The following FAM118A variants were observed in gnomAD, a reference collection of about 807,000 sequenced individuals.
The protein encoded by FAM118A is protein FAM118A.
A neutral mutation model predicts 38.2 loss-of-function variants in FAM118A; 25 were observed. The observed-to-expected ratio is 0.65, with a 90% CI of 0.48 to 0.91. The LOEUF is 0.91. FAM118A is among the 40% of genes least tolerant of loss of function. The probability of loss-of-function intolerance (pLI) is 0.00; values close to 1 mark genes in which losing one functional copy is unlikely to be tolerated. For synonymous variants in FAM118A, 178 were observed against 184.1 expected (o/e 0.97, Z 0.27); for missense variants, 425 against 463.3 (o/e 0.92, Z 0.76).
intron 8 of FAM118A, among the ~76,000 whole-genome samples, chr22:45,337,306 C>T (rs534059552): frequency 8.5e-5 from 13 of 152,324 alleles, no homozygotes; most frequent in East Asian, 7.7e-4. Context: ...ATGAAAACAG[C>T]GTCAGTGTTC....
intron 4 of FAM118A, chr22:45,329,458 T>A (rs1383697074): frequency 6.6e-6 from 1 of 152,256 alleles, no homozygotes; most frequent in Non-Finnish European, 1.5e-5. Flanking sequence ...ATTTCTTGTG[T>A]TACTAAAGGT....
At chr22:45,324,370 T>A (rs184117961) in intron 3 of FAM118A, among the ~76,000 whole-genome samples, 43 of 152,158 alleles carry the variant, frequency 2.8e-4, no homozygotes, top group Admixed American at 4.6e-4. Flanking sequence ...CTGTAAATGA[T>A]GTGCGTGCGC....
chr22:45,312,405 G>A (rs929584770), intron 1 of FAM118A, among the ~76,000 whole-genome samples: 15 of 152,276 alleles, frequency 9.9e-5, no homozygotes, highest in African/African-American at 3.6e-4. Flanking sequence ...AGTCGCGGTG[G>A]CTCACGCCTG....
At chr22:45,314,029 C>T (rs10222222) in intron 1 of FAM118A, among the ~76,000 whole-genome samples, 1 of 152,104 alleles carries the variant, frequency 6.6e-6, no homozygotes, top group Non-Finnish European at 1.5e-5. Context: ...AGTAAATAGG[C>T]TCAGGAATGA....
intron 4 of FAM118A, among the ~76,000 whole-genome samples, chr22:45,330,222 C>G (rs1439918687): frequency 6.6e-6 from 1 of 152,132 alleles, no homozygotes; most frequent in Non-Finnish European, 1.5e-5. Flanking sequence ...TTTTTCCACC[C>G]TGAGACAGGG....
intron 3 of FAM118A, among the ~76,000 whole-genome samples, chr22:45,324,382 G>T (rs1360421322): frequency 6.6e-6 from 1 of 152,224 alleles, no homozygotes; most frequent in African/African-American, 2.4e-5. Flanking sequence ...TGCGTGCGCG[G>T]GGAGTGCGTG....
intron 3 of FAM118A, among the ~76,000 whole-genome samples, chr22:45,324,471 C>T (rs1053268757): frequency 6.6e-6 from 1 of 152,228 alleles, no homozygotes; most frequent in Non-Finnish European, 1.5e-5. Context: ...GCTTCTGTTT[C>T]ATCTCATTGG....
chr22:45,323,041 C>CTGTGTGGG, intron 2 of FAM118A, 134 bp from the exon 3 acceptor site: 1 of 658,848 alleles, frequency 1.5e-6, no homozygotes, highest in Non-Finnish European at 2.5e-6. Context: ...TCAGAGGGGA[C>CTGTGTGGG]TGTGTGTGTG....
chr22:45,331,356 T>G (rs1191847731), intron 5 of FAM118A, among the ~76,000 whole-genome samples: 1 of 93,904 alleles, frequency 1.1e-5, no homozygotes, highest in Non-Finnish European at 2.1e-5. Flanking sequence ...TAAATAACAC[T>G]TCATTCTCTG....
chr22:45,337,021 G>A lies in FAM118A; in HGVS notation c.1054+610G>A, dbSNP rs545881955. 5.9e-5 allele frequency among the ~76,000 whole-genome samples: 9 copies of A among 152,292 alleles called. No individual in the cohort carries two copies. The East Asian group carries it at 1.2e-3, about 20-fold the overall frequency. ...TGTTGACGCTATGAAGGGCGATCTC[G>A]CTTGTTCGTGCCGGTCCCTCCCTCT... On this transcript the variant is annotated intron_variant, in intron 8 of 8. Transcript: ENST00000441876.
At chr22:45,337,975 G>A (rs752030228) in intron 8 of FAM118A, 9 of 889,414 alleles carry the variant, frequency 1.0e-5, no homozygotes, top group Admixed American at 1.2e-4. Flanking sequence ...GAAGGTACCC[G>A]TTGCTTTTTT....
intron 3 of FAM118A, among the ~76,000 whole-genome samples, chr22:45,323,774 G>A (rs939195315): frequency 6.6e-6 from 1 of 152,180 alleles, no homozygotes; most frequent in African/African-American, 2.4e-5. Flanking sequence ...TAAGCAGGCC[G>A]GCCATATTTC....
intron 7 of FAM118A, among the ~76,000 whole-genome samples, chr22:45,336,019 G>A (rs532097791): frequency 1.3e-5 from 2 of 152,362 alleles, no homozygotes; most frequent in East Asian, 3.9e-4. Flanking sequence ...GGGAAAACGC[G>A]CATCGATGTG....
At chr22:45,322,136 C>A (rs1441584004) in intron 1 of FAM118A, 23 of 1,438,208 alleles carry the variant, frequency 1.6e-5, no homozygotes, top group Non-Finnish European at 2.1e-5. Context: ...TCTGTGCTGT[C>A]CCGTGTAGAA....
rs2146669696 is a variant in FAM118A at position 45,327,881 on chromosome 22, C to G, written c.340C>G (p.Leu114Val). Residue 114 changes from leucine (L) to valine (V), a missense_variant, in exon 4 of 9, where the codon CTG becomes GTG. By Grantham distance (32) the Leu-to-Val change is conservative. Coordinates refer to ENST00000441876, the MANE Select transcript of FAM118A (RefSeq NM_017911.4). ...DAKPSFFQDC[L>V]MEVFDDLEQH... Reference sequence around the variant, plus strand: ...CAAGCCCAGCTTCTTCCAGGACTGCCTGATGGAGGTGTTTGACGACCTGGA... The same window carrying G: ...CAAGCCCAGCTTCTTCCAGGACTGCGTGATGGAGGTGTTTGACGACCTGGA... 2 of 1,614,268 alleles carry G rather than the reference C, an allele frequency of 1.2e-6. No individual in the cohort carries two copies. The highest frequency in any genetic ancestry group is 1.7e-6 in the Non-Finnish European group (2 of 1,180,052).
intron 3 of FAM118A, among the ~76,000 whole-genome samples, chr22:45,323,836 G>T (rs2085062106): frequency 6.6e-6 from 1 of 152,250 alleles, no homozygotes; most frequent in Non-Finnish European, 1.5e-5. Flanking sequence ...AGAAGTTCCA[G>T]CTTCTTTGTC....
intron 1 of FAM118A, chr22:45,321,705 G>GCA (rs2084889407): frequency 6.4e-6 from 1 of 155,186 alleles, no homozygotes; most frequent in Non-Finnish European, 1.4e-5. Context: ...GAGCCACCAT[G>GCA]CCTGGTCTGA....
At chr22:45,328,565 C>T in intron 4 of FAM118A, 4 of 692,832 alleles carry the variant, frequency 5.8e-6, no homozygotes, top group Non-Finnish European at 1.1e-5. Context: ...CCAGGAGTTC[C>T]AGACTGAAAT....
rs1197037003 is a variant in FAM118A, at chr22:45,341,725, C to G, written c.*1320C>G. ...AGGGTTCTCTTTGGAAACAAACAGC[C>G]CTGCTTGGTTTCAGTTTGAGGCCAC... On this transcript the variant is annotated 3_prime_UTR_variant, in exon 9 of 9. Transcript: ENST00000441876. 6.6e-6 allele frequency: 1 copy of G among 152,152 alleles called. No homozygotes were observed. The highest frequency in any genetic ancestry group is 2.4e-5 in the African/African-American group (1 of 41,404). The allele number at this position is 152,152 out of a possible 1,614,324, so 9.4% of individuals were successfully genotyped here.
Sources: allele counts gnomAD v4.1 joint callset (sites outside exome capture counted in the v4.1 genomes callset), GRCh38; gene constraint gnomAD v4.1.1; transcripts MANE v1.5; gene names NCBI Gene and HGNC (gene_info 2026-07-23, HGNC 2026-07-21).